The following SEMA5A variants were observed in gnomAD, a reference collection of about 807,000 sequenced individuals.
The protein encoded by SEMA5A is semaphorin-5A.
In SEMA5A, 55 loss-of-function variants were observed where a neutral mutation model predicts 135.5. The ratio of observed to expected loss-of-function variants is 0.41; its 90% confidence interval spans 0.33 to 0.51. The LOEUF is 0.51. Ranked by LOEUF, SEMA5A falls within the 20% of genes least tolerant of loss-of-function variation. The pLI, the probability that SEMA5A is intolerant of heterozygous loss-of-function variation, is 0.37. For synonymous variants in SEMA5A, 580 were observed against 546.5 expected, an observed-to-expected ratio of 1.06 and a Z score of -0.85; for missense variants, 1,290 against 1,419.9, an observed-to-expected ratio of 0.91 and a Z score of 1.47.
intron 8 of SEMA5A, among the ~76,000 whole-genome samples, chr5:9,211,025 A>G (rs886255499): frequency 9.2e-5 from 14 of 152,210 alleles, no homozygotes; most frequent in Non-Finnish European, 8.8e-5. Context: ...CCATCCCACA[A>G]GGCATAGGCA....
chr5:9,221,349 C>T (rs1380505266), intron 8 of SEMA5A, among the ~76,000 whole-genome samples: 33 of 136,842 alleles, frequency 2.4e-4, no homozygotes, highest in South Asian at 6.9e-4. Flanking sequence ...GTCACCCAGG[C>T]TGGAGTGCAG....
At chr5:9,528,998 T>C (rs566855573) in intron 1 of SEMA5A, among the ~76,000 whole-genome samples, 5 of 152,298 alleles carry the variant, frequency 3.3e-5, no homozygotes, top group South Asian at 4.1e-4. Context: ...GTGATTTTAT[T>C]TGTAGGACTT....
At chr5:9,341,064 C>G (rs1234815372) in intron 3 of SEMA5A, among the ~76,000 whole-genome samples, 1 of 151,992 alleles carries the variant, frequency 6.6e-6, no homozygotes, top group African/African-American at 2.4e-5. Context: ...TCTCCTATTT[C>G]AAAAAGCATT....
intron 1 of SEMA5A, among the ~76,000 whole-genome samples, chr5:9,514,513 C>T (rs967216914): frequency 3.3e-5 from 5 of 152,192 alleles, no homozygotes; most frequent in African/African-American, 7.2e-5. Context: ...CACAGATGCT[C>T]ATGTCCCTGA....
chr5:9,095,924 A>G (rs911120622), intron 16 of SEMA5A, among the ~76,000 whole-genome samples: 1 of 152,194 alleles, frequency 6.6e-6, no homozygotes. Context: ...TTCATTGAAC[A>G]TTGGTATTAA....
chr5:9,396,246 GCACACACACA>G (rs147262677), intron 2 of SEMA5A, among the ~76,000 whole-genome samples: 23 of 148,848 alleles, frequency 1.5e-4, no homozygotes, highest in Non-Finnish European at 2.5e-4. Flanking sequence ...GCGCGTGCGT[GCACACACACA>G]CACACACACA....
At chr5:9,164,705 C>G (rs1743510402) in intron 11 of SEMA5A, among the ~76,000 whole-genome samples, 1 of 152,056 alleles carries the variant, frequency 6.6e-6, no homozygotes, top group African/African-American at 2.4e-5. Flanking sequence ...GCTACTGCCT[C>G]TGGTGATTTT....
chr5:9,483,266 C>G (rs1759945156), intron 1 of SEMA5A, among the ~76,000 whole-genome samples: 1 of 152,116 alleles, frequency 6.6e-6, no homozygotes, highest in Non-Finnish European at 1.5e-5. Context: ...CTCTATATAT[C>G]TCTTTCTCAA....
At chr5:9,473,524 T>G (rs527685884) in intron 1 of SEMA5A, among the ~76,000 whole-genome samples, 1 of 151,378 alleles carries the variant, frequency 6.6e-6, no homozygotes, top group African/African-American at 2.4e-5. Context: ...AGGCAGGGTA[T>G]GTAGATTTTA....
intron 15 of SEMA5A, among the ~76,000 whole-genome samples, chr5:9,115,120 G>A (rs1264845079): frequency 6.6e-6 from 1 of 152,144 alleles, no homozygotes; most frequent in Non-Finnish European, 1.5e-5. Flanking sequence ...ATCCATTGAA[G>A]GCCCATAATG....
chr5:9,243,636 T>G (rs1053840458), intron 5 of SEMA5A, among the ~76,000 whole-genome samples: 5 of 152,144 alleles, frequency 3.3e-5, no homozygotes, highest in Admixed American at 1.3e-4. Context: ...ATTAAATGTG[T>G]GATGTGCTAG....
chr5:9,251,518 C>T (rs888883038), intron 5 of SEMA5A, among the ~76,000 whole-genome samples: 1 of 152,104 alleles, frequency 6.6e-6, no homozygotes, highest in African/African-American at 2.4e-5. Context: ...TTAGGTATGA[C>T]TCTGATTTCT....
chr5:9,229,653 G>A (rs1369088469), intron 6 of SEMA5A, among the ~76,000 whole-genome samples: 1 of 151,810 alleles, frequency 6.6e-6, no homozygotes, highest in East Asian at 1.9e-4. Context: ...AGAAGGGTGA[G>A]GTTTTGTTTG....
chr5:9,055,940 T>G lies in SEMA5A; in HGVS notation c.2519-1683A>C, dbSNP rs181827914. 7.9e-5 allele frequency among the ~76,000 whole-genome samples: 12 copies of G among 152,134 alleles called. No individual in the cohort carries two copies. The East Asian group carries it at 2.1e-3, about 27-fold the overall frequency. On this transcript the variant is annotated intron_variant, in intron 18 of 22. Transcript: ENST00000382496. ...CACTGAAGGAAGCACTTGCTGACAG[T>G]TTTTTTCTGTTTGTAACCTAAATTG...
intron 12 of SEMA5A, among the ~76,000 whole-genome samples, chr5:9,154,061 A>AT (rs1742793450): frequency 4.3e-5 from 2 of 46,872 alleles, no homozygotes; most frequent in African/African-American, 1.1e-4. Flanking sequence ...AAAAAAAAAA[A>AT]AATATATATA....
rs183520018 is a variant in SEMA5A at position 9,128,997 on chromosome 5, A to C, written c.1600-6160T>G. Among the ~76,000 whole-genome samples the C allele has an allele frequency of 7.7e-4, 117 of 152,282 alleles. 1 individual carries two copies. Among genetic ancestry groups the C allele is most frequent in the African/African-American group, 2.7e-3 (114 of 41,542 alleles). On this transcript the variant is annotated intron_variant, in intron 13 of 22. Coordinates refer to ENST00000382496, the MANE Select transcript of SEMA5A (RefSeq NM_003966.3). The stretch of plus-strand genomic sequence containing the variant: ...GACCTTGGGGGCAACTTTTTTCCTG[A>C]TTGAGAACCACTGCACCAGACATTC...
intron 3 of SEMA5A, 47 bp downstream of exon 3, chr5:9,379,776 G>A (rs1755512987): frequency 6.3e-7 from 1 of 1,594,128 alleles, no homozygotes; most frequent in African/African-American, 1.3e-5. Flanking sequence ...AACACAGAAT[G>A]TGCATTTAGA....
intron 5 of SEMA5A, among the ~76,000 whole-genome samples, chr5:9,257,173 T>C (rs1749116414): frequency 6.6e-6 from 1 of 152,220 alleles, no homozygotes; most frequent in Non-Finnish European, 1.5e-5. Context: ...AGTTGCCACC[T>C]GGCCCTTGAA....
intron 13 of SEMA5A, among the ~76,000 whole-genome samples, chr5:9,129,029 C>T (rs1178199786): frequency 6.6e-6 from 1 of 152,176 alleles, no homozygotes; most frequent in Non-Finnish European, 1.5e-5. Context: ...ATTCTTTGTT[C>T]ATTTTCTTTT....
Sources: gnomAD v4.1 joint callset for allele counts (sites outside exome capture counted in the v4.1 genomes callset) on GRCh38, gnomAD v4.1.1 for gene constraint, MANE v1.5 for transcripts, NCBI Gene and HGNC (gene_info 2026-07-23, HGNC 2026-07-21) for gene names.